The following CNKSR3 variants were observed in gnomAD, a reference collection of about 807,000 sequenced individuals.
CNKSR3 encodes connector enhancer of kinase suppressor of ras 3.
CNKSR3 carries 36 observed loss-of-function variants against 67.7 expected under a neutral mutation model. That is an observed-to-expected ratio of 0.53 (90% CI 0.41 to 0.70). CNKSR3 has a LOEUF of 0.70. CNKSR3 is among the 30% of genes least tolerant of loss of function. The pLI, the probability that CNKSR3 is intolerant of heterozygous loss-of-function variation, is 0.00. For synonymous variants in CNKSR3, 281 were observed against 271.4 expected, an observed-to-expected ratio of 1.04 and a Z score of -0.35; for missense variants, 630 against 695.2, an observed-to-expected ratio of 0.91 and a Z score of 1.05.
intron 7 of CNKSR3, among the ~76,000 whole-genome samples, chr6:154,426,425 G>A (rs11961896): frequency 0.12 from 18,318 of 151,784 alleles, 1,254 homozygotes; most frequent in East Asian, 0.24. Context: ...GCAGTGGCTC[G>A]ATCTCGGCTC....
rs1787185658 is a variant in CNKSR3, at chr6:154,510,123, G to C, written c.-9C>G. ...TTGGTCACGGGTTCCATGGTAAACC[G>C]CTTCGCCTCTCGCTGGGCTGGAGAG... On this transcript the variant is annotated 5_prime_UTR_variant, in exon 1 of 13. Coordinates refer to ENST00000607772, the MANE Select transcript of CNKSR3 (RefSeq NM_173515.4). 1.2e-6 allele frequency: 2 copies of C among 1,614,074 alleles called. No individual in the cohort carries two copies. Among genetic ancestry groups the C allele is most frequent in the African/African-American group, 1.3e-5 (1 of 75,054 alleles).
At position 154,411,006 on chromosome 6, in the gene CNKSR3, C is replaced by G. The variant is rs1171614830; in HGVS notation, c.1207G>C (p.Asp403His). ...RRRRFTIADS[D>H]QLPGYSVETN... ...TCCACCGAGTACCCAGGCAACTGAT[C>G]CGAGTCTGCAATGGTGAATCTTCGT... The change falls in exon 11 of 13, where the codon GAT becomes CAT. Residue 403 changes from aspartate (D) to histidine (H), a missense_variant. Asp to His is a moderately conservative substitution (Grantham distance 81, BLOSUM62 -1). This residue lies in a region of CNKSR3 where 308 missense variants were observed against 299.6 expected (regional missense o/e 1.03). Transcript: ENST00000607772. 3.7e-6 allele frequency: 6 copies of G among 1,614,124 alleles called. No homozygotes were observed. The South Asian group carries it at 6.6e-5, about 18-fold the overall frequency.
At chr6:154,466,786 A>ATTTTT (rs368521995) in intron 1 of CNKSR3, among the ~76,000 whole-genome samples, 1 of 137,826 alleles carries the variant, frequency 7.3e-6, no homozygotes, top group South Asian at 2.3e-4. Context: ...CGCCCAGCTA[A>ATTTTT]TTTTTTTGTT....
At chr6:154,485,970 C>T (rs572339031) in intron 1 of CNKSR3, among the ~76,000 whole-genome samples, 2 of 152,350 alleles carry the variant, frequency 1.3e-5, no homozygotes, top group South Asian at 2.1e-4. Flanking sequence ...CAATAACTCA[C>T]TGGCATACCC....
intron 1 of CNKSR3, among the ~76,000 whole-genome samples, chr6:154,505,921 T>C (rs1478237891): frequency 6.6e-6 from 1 of 152,146 alleles, no homozygotes; most frequent in Non-Finnish European, 1.5e-5. Context: ...GTGGCCTTTT[T>C]AAAGCAGAAA....
At position 154,472,602 on chromosome 6, in the gene CNKSR3, C is replaced by A. The variant is rs192377173; in HGVS notation, c.53-22344G>T. On this transcript the variant is annotated intron_variant, in intron 1 of 12. Transcript: ENST00000607772. ...CTGGTGTCTGTCTCCCAACAACAAA[C>A]CCCATGAAAACAAAAACCACGACTG... 3.2e-3 allele frequency among the ~76,000 whole-genome samples: 493 copies of A among 152,272 alleles called. 2 individuals carry two copies. The highest frequency in any genetic ancestry group is 5.3e-3 in the Non-Finnish European group (360 of 68,016).
At chr6:154,468,486 A>T (rs2114624147) in intron 1 of CNKSR3, among the ~76,000 whole-genome samples, 1 of 151,498 alleles carries the variant, frequency 6.6e-6, no homozygotes, top group South Asian at 2.1e-4. Context: ...CACTTCTATC[A>T]TACTGCCTTT....
intron 3 of CNKSR3, 44 bp downstream of exon 3, chr6:154,442,044 C>CT (rs761013214): frequency 2.6e-6 from 4 of 1,518,106 alleles, no homozygotes; most frequent in African/African-American, 1.4e-5. Flanking sequence ...AGCTTGGACT[C>CT]TATCTACTCT....
At chr6:154,482,008 G>A (rs546973933) in intron 1 of CNKSR3, among the ~76,000 whole-genome samples, 9 of 152,244 alleles carry the variant, frequency 5.9e-5, no homozygotes, top group Admixed American at 1.3e-4. Context: ...TATCTGCCCC[G>A]TGACCCCTTC....
rs754356267 is a variant in CNKSR3, at chr6:154,389,835, T to A, written c.*16519A>T. On this transcript the variant is annotated 3_prime_UTR_variant, in exon 13 of 13. Transcript: ENST00000607772. ...AATAATAAAATACTTGGGAATAAAC[T>A]TAACTAAGGAGGTGAAAGACTTGTA... 6.6e-6 allele frequency: 1 copy of A among 152,144 alleles called. No individual in the cohort carries two copies. Among genetic ancestry groups the A allele is most frequent in the Non-Finnish European group, 1.5e-5 (1 of 68,018 alleles). The allele number at this position is 152,144 out of a possible 1,614,324, so 9.4% of individuals were successfully genotyped here.
At chr6:154,500,087 G>GTGATC in intron 1 of CNKSR3, among the ~76,000 whole-genome samples, 1 of 152,088 alleles carries the variant, frequency 6.6e-6, no homozygotes, top group East Asian at 1.9e-4. Flanking sequence ...ACTTTAACAG[G>GTGATC]TGTTACATGA....
chr6:154,505,302 T>C (rs1787075228), intron 1 of CNKSR3, among the ~76,000 whole-genome samples: 1 of 151,004 alleles, frequency 6.6e-6, no homozygotes, highest in East Asian at 2.0e-4. Context: ...CATAAACAAA[T>C]AGACACGACA....
chr6:154,499,379 T>G (rs1786938007), intron 1 of CNKSR3, among the ~76,000 whole-genome samples: 1 of 152,172 alleles, frequency 6.6e-6, no homozygotes, highest in African/African-American at 2.4e-5. Flanking sequence ...CAGAATTCCC[T>G]GAGGAGTCTG....
intron 1 of CNKSR3, among the ~76,000 whole-genome samples, chr6:154,476,326 A>G (rs1354664981): frequency 6.6e-6 from 1 of 152,028 alleles, no homozygotes; most frequent in Non-Finnish European, 1.5e-5. Flanking sequence ...GCGTGCTGGC[A>G]GGTGCCTGTA....
rs373024380 is a variant in CNKSR3 at position 154,422,064 on chromosome 6, C to T, written c.945+442G>A. ...CTGGAGTGCAATGGCACGATCTTGG[C>T]TCACTGCAAGCTCCGCCTCCCGGGT... On this transcript the variant is annotated intron_variant, in intron 9 of 12. Transcript: ENST00000607772. Among the ~76,000 whole-genome samples the T allele has an allele frequency of 4.0e-5, 6 of 149,266 alleles. No individual in the cohort carries two copies. The South Asian group carries it at 6.3e-4, about 16-fold the overall frequency.
At chr6:154,507,900 A>G (rs936645338) in intron 1 of CNKSR3, among the ~76,000 whole-genome samples, 3 of 152,224 alleles carry the variant, frequency 2.0e-5, no homozygotes, top group Admixed American at 2.0e-4. Context: ...CTCAACAAAC[A>G]TAACAGGATG....
At chr6:154,414,206 C>T in intron 10 of CNKSR3, 93 bp downstream of exon 10, 1 of 1,363,978 alleles carries the variant, frequency 7.3e-7, no homozygotes, top group East Asian at 2.5e-5. Context: ...TGTGGCTCAG[C>T]AACTTCCTCT....
chr6:154,408,617 G>A lies in CNKSR3; in HGVS notation c.1369+1726C>T, dbSNP rs533442640. 3.3e-5 allele frequency among the ~76,000 whole-genome samples: 5 copies of A among 152,274 alleles called. No homozygotes were observed. The South Asian group carries it at 1.0e-3, about 32-fold the overall frequency. The stretch of plus-strand genomic sequence containing the variant: ...CACAGAGTAGATGAGTGCCTGTCAG[G>A]GGCTGAAGAAGGACGGAATTGGGAG... On this transcript the variant is annotated intron_variant, in intron 12 of 12. Transcript: ENST00000607772.
chr6:154,397,216 T>C lies in CNKSR3; in HGVS notation c.*9138A>G, dbSNP rs1182795182. ...ATAAGACTATAGGATAAAGGCACCA[T>C]TAAAGGTGCTTCAGTGGCATTCTTT... On this transcript the variant is annotated 3_prime_UTR_variant, in exon 13 of 13. Coordinates refer to ENST00000607772, the MANE Select transcript of CNKSR3 (RefSeq NM_173515.4). 2 of 152,348 alleles carry C rather than the reference T, an allele frequency of 1.3e-5. No homozygotes were observed. The highest frequency in any genetic ancestry group is 3.9e-4 in the East Asian group (2 of 5,184). The allele number at this position is 152,348 out of a possible 1,614,324, so 9.4% of individuals were successfully genotyped here.
Sources: allele counts gnomAD v4.1 joint callset (sites outside exome capture counted in the v4.1 genomes callset), GRCh38; gene constraint gnomAD v4.1.1; regional missense constraint gnomAD v4.1.1; transcripts MANE v1.5; gene names NCBI Gene and HGNC (gene_info 2026-07-23, HGNC 2026-07-21).